Variants in SENP5 observed in about 807,000 individuals in gnomAD.
SENP5 encodes the protein SUMO specific peptidase 5.
SENP5 carries 21 observed loss-of-function variants against 74.2 expected under a neutral mutation model. The observed-to-expected ratio is 0.28, with a 90% CI of 0.20 to 0.41. SENP5 has a LOEUF of 0.41. SENP5 is among the 10% of genes least tolerant of loss of function. SENP5 has a pLI of 1.00. For missense variants in SENP5, 717 were observed against 889.1 expected, an observed-to-expected ratio of 0.81 and a Z score of 2.46; for synonymous variants, 311 against 312.7, an observed-to-expected ratio of 0.99 and a Z score of 0.06.
chr3:196,871,294 C>G (rs1445958414), intron 1 of SENP5, among the ~76,000 whole-genome samples: 3 of 152,102 alleles, frequency 2.0e-5, no homozygotes, highest in Non-Finnish European at 4.4e-5. Context: ...ATTTTTGTGT[C>G]TGGAATACCT....
chr3:196,926,481 CAAAA>C (rs56334033), intron 7 of SENP5, among the ~76,000 whole-genome samples: 5 of 125,344 alleles, frequency 4.0e-5, no homozygotes, highest in Non-Finnish European at 1.7e-5. Context: ...GACTCCGTCT[CAAAA>C]AAAAAAAAAA....
chr3:196,899,138 G>A (rs938610364), intron 2 of SENP5, among the ~76,000 whole-genome samples: 4 of 151,162 alleles, frequency 2.6e-5, no homozygotes, highest in Non-Finnish European at 5.9e-5. Flanking sequence ...ACCTCACAGC[G>A]TTATTTGGTG....
chr3:196,917,362 A>C (rs759330939), intron 6 of SENP5, among the ~76,000 whole-genome samples: 18 of 152,126 alleles, frequency 1.2e-4, no homozygotes, highest in Non-Finnish European at 2.2e-4. Context: ...TATTGGTCTT[A>C]AAGAGGAGGT....
chr3:196,879,143 CG>C (rs771082828), intron 1 of SENP5, among the ~76,000 whole-genome samples: 221 of 152,226 alleles, frequency 1.5e-3, no homozygotes, highest in Non-Finnish European at 1.7e-3. Context: ...TGGACCCCAG[CG>C]GTAAATGTCA....
At chr3:196,925,376 C>A (rs1021309532) in intron 7 of SENP5, among the ~76,000 whole-genome samples, 1 of 152,194 alleles carries the variant, frequency 6.6e-6, no homozygotes, top group African/African-American at 2.4e-5. Flanking sequence ...GCGTCTTTTC[C>A]AGTTCCCTTC....
At chr3:196,920,113 A>C (rs900214862) in intron 6 of SENP5, among the ~76,000 whole-genome samples, 11 of 152,210 alleles carry the variant, frequency 7.2e-5, no homozygotes, top group African/African-American at 2.7e-4. Flanking sequence ...TTTAGTAAGC[A>C]TGCTGGAATG....
chr3:196,912,580 AGAT>A (rs1715181038), intron 6 of SENP5: 1 of 152,204 alleles, frequency 6.6e-6, no homozygotes, highest in Admixed American at 6.5e-5. Context: ...AAACAAAACT[AGAT>A]GACGGATTGA....
intron 7 of SENP5, among the ~76,000 whole-genome samples, chr3:196,923,872 C>T (rs1248528584): frequency 6.6e-6 from 1 of 152,152 alleles, no homozygotes; most frequent in Non-Finnish European, 1.5e-5. Flanking sequence ...CAAAATAACT[C>T]CTGTAGAATA....
At chr3:196,868,742 G>A (rs532594612) in intron 1 of SENP5, among the ~76,000 whole-genome samples, 1 of 152,250 alleles carries the variant, frequency 6.6e-6, no homozygotes, top group South Asian at 2.1e-4. Context: ...AGGTAAAGTG[G>A]GACTTTCTTC....
chr3:196,897,543 T>G (rs1324567101), intron 2 of SENP5, among the ~76,000 whole-genome samples: 1 of 152,196 alleles, frequency 6.6e-6, no homozygotes, highest in South Asian at 2.1e-4. Flanking sequence ...GGTGGGAGAT[T>G]AACAGGAGGA....
rs1203484442 is a variant in SENP5, at chr3:196,867,923, G to A, written c.-182G>A. The A allele has an allele frequency of 1.3e-5, 2 of 152,228 alleles. No individual in the cohort carries two copies. Among genetic ancestry groups the A allele is most frequent in the Non-Finnish European group, 2.9e-5 (2 of 68,066 alleles). 9.4% of individuals were successfully genotyped at this position (152,228 alleles called of 1,614,324 possible). On this transcript the variant is annotated 5_prime_UTR_variant, in exon 1 of 10. Coordinates refer to ENST00000323460, the MANE Select transcript of SENP5 (RefSeq NM_152699.5). ...CCGGCGTCGCGGCAGCCGCTTCAGA[G>A]GAAGCTCGGCGGCTGTGGCCGCGGC...
chr3:196,927,798 T>C lies in SENP5; in HGVS notation c.2025T>C (p.Asn675=). 2 of 1,595,848 alleles carry C rather than the reference T, an allele frequency of 1.3e-6. No individual in the cohort carries two copies. Among genetic ancestry groups the C allele is most frequent in the South Asian group, 1.1e-5 (1 of 90,658 alleles). ...QGIHFKFCVE[N]IRKYLLTEAR... ...TGTTGTGGTTTCTTTTTAACCAGAA[T>C]ATAAGAAAGTATTTGCTGACTGAAG... Residue 675 remains asparagine (N), a splice_region_variant and synonymous_variant, in exon 8 of 10, where the codon AAT becomes AAC. Transcript: ENST00000323460.
Position 196,886,313 on chromosome 3 carries a change from C to G in SENP5, c.1132C>G (p.Pro378Ala). The change falls in exon 2 of 10, where the codon CCA becomes GCA. Residue 378 changes from proline (P) to alanine (A), a missense_variant. Pro to Ala is a conservative substitution (Grantham distance 27). Transcript: ENST00000323460. ...CTELIHDIPL[P>A]EHRSNTMFIS... ...AGAGCTGATTCATGACATCCCCTTA[C>G]CAGAACATCGTTCTAATACCATGTT... The G allele has an allele frequency of 6.2e-7, 1 of 1,614,052 alleles. No individual in the cohort carries two copies. Among genetic ancestry groups the G allele is most frequent in the Non-Finnish European group, 8.5e-7 (1 of 1,179,996 alleles).
intron 6 of SENP5, chr3:196,912,549 C>CT (rs1275740435): frequency 3.5e-5 from 5 of 144,468 alleles, no homozygotes; most frequent in African/African-American, 1.2e-4. Flanking sequence ...GAGCAAGACT[C>CT]TGTCTCAATT....
intron 8 of SENP5, chr3:196,929,258 A>T: frequency 4.7e-6 from 1 of 212,416 alleles, no homozygotes; most frequent in South Asian, 7.6e-5. Context: ...TGCTCAGCGG[A>T]GTTGTCGCCA....
chr3:196,873,012 C>T (rs1577787777), intron 1 of SENP5, among the ~76,000 whole-genome samples: 1 of 151,652 alleles, frequency 6.6e-6, no homozygotes, highest in East Asian at 1.9e-4. Context: ...CAATTCCTGA[C>T]CTGTTTTGAG....
chr3:196,914,564 TAAAAAAAAA>T (rs34724979), intron 6 of SENP5: 6 of 26,336 alleles, frequency 2.3e-4, no homozygotes, highest in African/African-American at 7.3e-4. Context: ...AGGTTTGCTT[TAAAAAAAAA>T]AAAAAAAAAA....
At chr3:196,869,566 G>A (rs1251920884) in intron 1 of SENP5, among the ~76,000 whole-genome samples, 1 of 150,398 alleles carries the variant, frequency 6.6e-6, no homozygotes, top group Non-Finnish European at 1.5e-5. Flanking sequence ...TTCGAGATCA[G>A]CCTAACCAAC....
intron 2 of SENP5, among the ~76,000 whole-genome samples, chr3:196,889,602 C>A (rs903984809): frequency 6.6e-6 from 1 of 152,114 alleles, no homozygotes; most frequent in Non-Finnish European, 1.5e-5. Context: ...CAATCAGAAG[C>A]CAATAGCAGT....
Sources: allele counts gnomAD v4.1 joint callset (sites outside exome capture counted in the v4.1 genomes callset), GRCh38; gene constraint gnomAD v4.1.1; transcripts MANE v1.5; gene names NCBI Gene and HGNC (gene_info 2026-07-23, HGNC 2026-07-21).